Variants in GMPS observed in about 807,000 individuals in gnomAD.
GMPS encodes the protein GMP synthase [glutamine-hydrolyzing].
GMPS carries 15 observed loss-of-function variants against 77.9 expected under a neutral mutation model. The ratio of observed to expected loss-of-function variants is 0.19; its 90% confidence interval spans 0.13 to 0.30. The LOEUF is 0.30. GMPS is among the 10% of genes least tolerant of loss of function. The pLI is 1.00. For synonymous variants in GMPS, 224 were observed against 275.9 expected, an observed-to-expected ratio of 0.81 and a Z score of 1.86; for missense variants, 590 against 838.8, an observed-to-expected ratio of 0.70 and a Z score of 3.66.
At chr3:155,928,019 C>CTTTTTTTTTTTTTTT (rs35962523) in intron 12 of GMPS, among the ~76,000 whole-genome samples, 5 of 67,846 alleles carry the variant, frequency 7.4e-5, no homozygotes, top group African/African-American at 1.3e-4. Context: ...GCATTTTACA[C>CTTTTTTTTTTTTTTT]TTTTTTTTTT....
Position 155,937,667 on chromosome 3 carries a change from C to T in GMPS, c.2057C>T (p.Pro686Leu), listed in dbSNP as rs766735522. 1 of 1,389,478 alleles carries T rather than the reference C, an allele frequency of 7.2e-7. No homozygotes were observed. Among genetic ancestry groups the T allele is most frequent in the Non-Finnish European group, 1.0e-6 (1 of 975,620 alleles). The allele number at this position is 1,389,478 out of a possible 1,614,324, so 86.1% of individuals were successfully genotyped here. Residue 686 changes from proline (P) to leucine (L), a missense_variant, in exon 16 of 16, where the codon CCC becomes CTC. Transcript: ENST00000496455. ...SRIMYDLTSK[P>L]PGTTEWE is the part of the protein sequence containing the mutation. ...ATTATGTATGACTTAACATCAAAGC[C>T]CCCAGGAACTACTGAGTGGGAGTAA...
intron 8 of GMPS, 55 bp downstream of exon 8, chr3:155,914,625 A>G (rs1755127295): frequency 1.3e-5 from 15 of 1,186,224 alleles, no homozygotes; most frequent in Non-Finnish European, 1.6e-5. Flanking sequence ...GAATCTTAGT[A>G]TTTGTTTTTC....
At chr3:155,924,936 T>C (rs770137652) in intron 11 of GMPS, among the ~76,000 whole-genome samples, 12 of 152,174 alleles carry the variant, frequency 7.9e-5, no homozygotes, top group Non-Finnish European at 1.6e-4. Flanking sequence ...CAGACAAAAC[T>C]GACTTTATGG....
Position 155,910,675 on chromosome 3 carries a change from C to T in GMPS, c.527-17C>T, listed in dbSNP as rs1553786387. 4 of 1,349,678 alleles carry T rather than the reference C, an allele frequency of 3.0e-6. No individual in the cohort carries two copies. The highest frequency in any genetic ancestry group is 3.0e-6 in the Non-Finnish European group (3 of 1,006,984). The allele number at this position is 1,349,678 out of a possible 1,614,324, so 83.6% of individuals were successfully genotyped here. On this transcript the variant is annotated splice_polypyrimidine_tract_variant and intron_variant, in intron 5 of 15. Coordinates refer to ENST00000496455, the MANE Select transcript of GMPS (RefSeq NM_003875.3). ...AGCATGAAAAAATTTTAATTTGTGA[C>T]TATTTTCTCTATAAAGGCATAGCAA...
At chr3:155,885,863 C>T (rs1754322583) in intron 1 of GMPS, among the ~76,000 whole-genome samples, 1 of 152,208 alleles carries the variant, frequency 6.6e-6, no homozygotes, top group South Asian at 2.1e-4. Flanking sequence ...TGTCACAGCC[C>T]AGGCTGGAGT....
At chr3:155,921,759 T>A (rs1378817404) in intron 10 of GMPS, among the ~76,000 whole-genome samples, 2 of 152,112 alleles carry the variant, frequency 1.3e-5, no homozygotes, top group African/African-American at 4.8e-5. Context: ...ACCACTGCAC[T>A]CTAGCCTTGG....
chr3:155,882,815 T>C (rs1754241710), intron 1 of GMPS, among the ~76,000 whole-genome samples: 1 of 152,204 alleles, frequency 6.6e-6, no homozygotes, highest in African/African-American at 2.4e-5. Flanking sequence ...AACTATGTGG[T>C]TACCCTGGTA....
intron 14 of GMPS, among the ~76,000 whole-genome samples, 186 bp from the exon 15 acceptor site, chr3:155,936,152 T>G (rs943743404): frequency 1.3e-5 from 2 of 152,184 alleles, no homozygotes; most frequent in Non-Finnish European, 2.9e-5. Flanking sequence ...AAATTCTGTT[T>G]TTTGCATTTG....
At chr3:155,876,553 C>T (rs974240911) in intron 1 of GMPS, among the ~76,000 whole-genome samples, 2 of 152,140 alleles carry the variant, frequency 1.3e-5, no homozygotes, top group Non-Finnish European at 2.9e-5. Flanking sequence ...GGCAGTTATT[C>T]ATAGTATGTT....
In GMPS at chr3:155,943,365, C is replaced by G; in HGVS notation, c.*5673C>G. On this transcript the variant is annotated 3_prime_UTR_variant, in exon 16 of 16. Coordinates refer to ENST00000496455, the MANE Select transcript of GMPS (RefSeq NM_003875.3). Reference sequence around the variant, plus strand: ...AGTATATTAAGTACAACTACAAAATCCTCTGAGTTCTCCAGGAAGCCTAAA... The same window carrying G: ...AGTATATTAAGTACAACTACAAAATGCTCTGAGTTCTCCAGGAAGCCTAAA... 5.5e-6 allele frequency: 1 copy of G among 181,268 alleles called. No homozygotes were observed. The highest frequency in any genetic ancestry group is 1.2e-5 in the Non-Finnish European group (1 of 84,868). 11.2% of individuals were successfully genotyped at this position (181,268 alleles called of 1,614,324 possible).
At chr3:155,882,039 A>G (rs1451322941) in intron 1 of GMPS, among the ~76,000 whole-genome samples, 3 of 152,028 alleles carry the variant, frequency 2.0e-5, no homozygotes, top group African/African-American at 7.2e-5. Flanking sequence ...CCGCACTCCA[A>G]CCTGGGTGAC....
intron 12 of GMPS, among the ~76,000 whole-genome samples, chr3:155,928,989 A>G (rs1475218462): frequency 6.6e-6 from 1 of 151,150 alleles, no homozygotes; most frequent in Non-Finnish European, 1.5e-5. Flanking sequence ...TAATGCCGCA[A>G]TAAACATATG....
intron 3 of GMPS, among the ~76,000 whole-genome samples, chr3:155,898,538 A>G (rs1035960796): frequency 1.3e-5 from 2 of 152,232 alleles, no homozygotes; most frequent in African/African-American, 4.8e-5. Context: ...AGTTTGTCTC[A>G]TTAATATCCC....
chr3:155,900,667 A>G (rs1440550875), intron 3 of GMPS, among the ~76,000 whole-genome samples: 1 of 152,150 alleles, frequency 6.6e-6, no homozygotes, highest in African/African-American at 2.4e-5. Context: ...TCTGTCATTC[A>G]CTAGGATGTT....
At position 155,943,368 on chromosome 3, in the gene GMPS, C is replaced by CT. The variant is rs996580514; in HGVS notation, c.*5677dup. ...ATATTAAGTACAACTACAAAATCCT[C>CT]TGAGTTCTCCAGGAAGCCTAAACCT... On this transcript the variant is annotated 3_prime_UTR_variant, in exon 16 of 16. Coordinates refer to ENST00000496455, the MANE Select transcript of GMPS (RefSeq NM_003875.3). 1.1e-5 allele frequency: 2 copies of CT among 181,298 alleles called. No individual in the cohort carries two copies. Among genetic ancestry groups the CT allele is most frequent in the African/African-American group, 4.7e-5 (2 of 42,446 alleles). 11.2% of individuals were successfully genotyped at this position (181,298 alleles called of 1,614,324 possible).
intron 14 of GMPS, among the ~76,000 whole-genome samples, chr3:155,935,367 A>G (rs1483136659): frequency 6.6e-6 from 1 of 152,084 alleles, no homozygotes; most frequent in East Asian, 1.9e-4. Flanking sequence ...TATTTTTAGT[A>G]GAGATAGGGT....
At chr3:155,926,505 A>C (rs1755457810) in intron 12 of GMPS, among the ~76,000 whole-genome samples, 1 of 152,180 alleles carries the variant, frequency 6.6e-6, no homozygotes, top group Non-Finnish European at 1.5e-5. Flanking sequence ...TTACAGTAAA[A>C]TTATGTGTAG....
At chr3:155,870,579 C>G (rs937073391), upstream of GMPS, 5 of 373,154 alleles carry the variant, frequency 1.3e-5, no homozygotes, top group South Asian at 1.1e-4. Flanking sequence ...GTATCTGAGG[C>G]TCGGCTGCCA....
intron 1 of GMPS, among the ~76,000 whole-genome samples, chr3:155,883,231 C>A (rs1379470670): frequency 6.6e-6 from 1 of 152,048 alleles, no homozygotes; most frequent in Non-Finnish European, 1.5e-5. Context: ...GCCACCACGC[C>A]TAGCTAATTT....
Sources: gnomAD v4.1 joint callset for allele counts (sites outside exome capture counted in the v4.1 genomes callset) on GRCh38, gnomAD v4.1.1 for gene constraint, MANE v1.5 for transcripts, NCBI Gene and HGNC (gene_info 2026-07-23, HGNC 2026-07-21) for gene names.